PRDM15: variants seen among roughly 807,000 people sequenced by gnomAD.
PRDM15 encodes the protein PR domain zinc finger protein 15.
In PRDM15, 64 loss-of-function variants were observed where a neutral mutation model predicts 128.6. The observed-to-expected ratio is 0.50, with a 90% CI of 0.41 to 0.61. The LOEUF is 0.61. Among genes scored for constraint, PRDM15 ranks in the 20% least tolerant of loss-of-function variants. PRDM15 has a pLI of 0.00. For missense variants in PRDM15, 1,242 were observed against 1,569.1 expected, an observed-to-expected ratio of 0.79 and a Z score of 3.52; for synonymous variants, 615 against 621.8, an observed-to-expected ratio of 0.99 and a Z score of 0.16.
At chr21:41,861,543 CAA>C in intron 1 of PRDM15, 1 of 1,572,492 alleles carries the variant, frequency 6.4e-7, no homozygotes, top group Non-Finnish European at 8.7e-7. Context: ...TGCCCCCCCC[CAA>C]TCCCCAACTG....
intron 14 of PRDM15, 63 bp from the exon 15 acceptor site, chr21:41,822,100 C>T (rs2062296243): frequency 6.2e-7 from 1 of 1,604,582 alleles, no homozygotes; most frequent in Non-Finnish European, 8.5e-7. Context: ...CAGTTATCTA[C>T]ACCGCAGGGA....
intron 6 of PRDM15, among the ~76,000 whole-genome samples, chr21:41,845,856 G>C (rs1360239556): frequency 6.6e-6 from 1 of 151,986 alleles, no homozygotes. Context: ...TTTGTGGAGG[G>C]GACCACCTGG....
intron 18 of PRDM15, 105 bp from the exon 19 acceptor site, chr21:41,815,941 C>T (rs1298910456): frequency 2.8e-6 from 4 of 1,445,350 alleles, no homozygotes; most frequent in Non-Finnish European, 3.8e-6. Context: ...CCGTGCGGTA[C>T]TGGTGAGGGT....
rs149309111 is a variant in PRDM15, at chr21:41,810,314, G to A, written c.2492C>T (p.Thr831Met). The part of the protein sequence containing the change: ...KLIHTVGKQW[T>M]CSVCDKKYVT... Reference sequence around the variant, plus strand: ...GTACTTCTTGTCGCACACGGAGCACGTCCACTGCTTGCCCACTTTTCACAC... The same window carrying A: ...GTACTTCTTGTCGCACACGGAGCACATCCACTGCTTGCCCACTTTTCACAC... The change falls in exon 21 of 24, where the codon ACG (threonine) becomes ATG (methionine). Residue 831 changes from threonine (T) to methionine (M), a missense_variant. Physicochemically the swap from Thr to Met is moderately conservative, Grantham distance 81. Coordinates refer to ENST00000398548, the MANE Select transcript of PRDM15 (RefSeq NM_001040424.3). The surrounding 1 kb of genome is among the most constrained non-coding windows in gnomAD (Gnocchi z 6.4). 62 of 1,612,868 alleles carry A rather than the reference G, an allele frequency of 3.8e-5. No homozygotes were observed. The highest frequency in any genetic ancestry group is 6.7e-5 in the African/African-American group (5 of 74,846).
chr21:41,811,987 A>T lies in PRDM15; in HGVS notation c.2393-1151T>A, dbSNP rs2146287320. On this transcript the variant is annotated intron_variant, in intron 19 of 23. Transcript: ENST00000398548. This position sits in a 1 kb window ranked among gnomAD's most constrained non-coding sequence, Gnocchi z 4.1. The stretch of plus-strand genomic sequence containing the variant: ...GCGACCGGCCTTGACTTTTTAAAAT[A>T]TTTGATAAGTACTCAGTCAGTCCTG... 1 of 152,332 alleles carries T rather than the reference A, an allele frequency of 6.6e-6. No individual in the cohort carries two copies. 9.4% of individuals were successfully genotyped at this position (152,332 alleles called of 1,614,324 possible).
Position 41,810,331 on chromosome 21 carries a change from T to C in PRDM15, c.2477-2A>G. 6.2e-7 allele frequency: 1 copy of C among 1,611,072 alleles called. No individual in the cohort carries two copies. Among genetic ancestry groups the C allele is most frequent in the Non-Finnish European group, 8.5e-7 (1 of 1,178,880 alleles). ...CGGAGCACGTCCACTGCTTGCCCAC[T>C]TTTCACACACACGCAGACACACATG... is the stretch of plus-strand genomic sequence containing the variant. On this transcript the variant is annotated splice_acceptor_variant, in intron 20 of 23. Transcript: ENST00000398548. LOFTEE classifies it high-confidence loss of function. This position sits in a 1 kb window ranked among gnomAD's most constrained non-coding sequence, Gnocchi z 6.4.
chr21:41,854,359 T>G lies in PRDM15; in HGVS notation c.538+207A>C, dbSNP rs1229703569. ...CACTGCCTCACTGTGTTAACTTGTG[T>G]TACATCCACGTGCCCAAACTGACCA... On this transcript the variant is annotated intron_variant, in intron 5 of 23. Coordinates refer to ENST00000398548, the MANE Select transcript of PRDM15 (RefSeq NM_001040424.3). This position sits in a 1 kb window ranked among gnomAD's most constrained non-coding sequence, Gnocchi z 4.6. Among the ~76,000 whole-genome samples, 1 of 152,138 alleles carries G rather than the reference T, an allele frequency of 6.6e-6. No individual in the cohort carries two copies. The highest frequency in any genetic ancestry group is 2.4e-5 in the African/African-American group (1 of 41,430).
In PRDM15 at chr21:41,810,568, G is replaced by A; in HGVS notation, c.2476+185C>T. On this transcript the variant is annotated intron_variant, in intron 20 of 23. Coordinates refer to ENST00000398548, the MANE Select transcript of PRDM15 (RefSeq NM_001040424.3). The surrounding 1 kb of genome is among the most constrained non-coding windows in gnomAD (Gnocchi z 6.4). Reference sequence around the variant, plus strand: ...ACCAATATGAGAAAATTCAAGAAGGGATACTTGAAAGCTGTGGCGGGTTGA... The same window carrying A: ...ACCAATATGAGAAAATTCAAGAAGGAATACTTGAAAGCTGTGGCGGGTTGA... 3 of 643,656 alleles carry A rather than the reference G, an allele frequency of 4.7e-6. No individual in the cohort carries two copies. Among genetic ancestry groups the A allele is most frequent in the Non-Finnish European group, 8.0e-6 (3 of 373,468 alleles). The allele number at this position is 643,656 out of a possible 1,614,324, so 39.9% of individuals were successfully genotyped here. A position where few individuals can be genotyped will look rare whatever the true frequency, so the allele number is the denominator to read the frequency against.
At chr21:41,822,843 G>A (rs1487620648) in intron 14 of PRDM15, among the ~76,000 whole-genome samples, 4 of 151,842 alleles carry the variant, frequency 2.6e-5, no homozygotes, top group Non-Finnish European at 4.4e-5. Context: ...AAGACCAGCC[G>A]GGCCAACAAG....
intron 21 of PRDM15, among the ~76,000 whole-genome samples, chr21:41,809,357 C>T (rs180723324): frequency 2.0e-5 from 3 of 152,084 alleles, no homozygotes; most frequent in Admixed American, 6.5e-5. Flanking sequence ...CTCAGCCTCC[C>T]GAGTAGCTGG....
At chr21:41,855,074 A>G (rs755207232) in intron 4 of PRDM15, among the ~76,000 whole-genome samples, 9 of 152,194 alleles carry the variant, frequency 5.9e-5, no homozygotes, top group Non-Finnish European at 1.0e-4. Context: ...TGTCATTGGG[A>G]TACCTGAGTG....
In PRDM15 at chr21:41,799,867, C is replaced by G. The variant is rs2061376669; in HGVS notation, c.*1373G>C. 6.6e-6 allele frequency: 1 copy of G among 152,450 alleles called. No homozygotes were observed. Among genetic ancestry groups the G allele is most frequent in the African/African-American group, 2.4e-5 (1 of 41,448 alleles). 9.4% of individuals were successfully genotyped at this position (152,450 alleles called of 1,614,324 possible). A position where few individuals can be genotyped will look rare whatever the true frequency, so the allele number is the denominator to read the frequency against. ...TACCAGGAAAGTTAAGAGCAAACTTCTCCCCACACCTCTCAGTGTTTCTTG... is the reference window on the plus strand; with the variant it reads ...TACCAGGAAAGTTAAGAGCAAACTTGTCCCCACACCTCTCAGTGTTTCTTG... On this transcript the variant is annotated 3_prime_UTR_variant, in exon 24 of 24. Transcript: ENST00000398548.
At chr21:41,849,167 T>C (rs2063352513) in intron 5 of PRDM15, among the ~76,000 whole-genome samples, 1 of 152,238 alleles carries the variant, frequency 6.6e-6, no homozygotes, top group Non-Finnish European at 1.5e-5. Flanking sequence ...CAGCCTGGCA[T>C]TCCAGTGGGC....
At chr21:41,805,758 A>G (rs2061541950) in intron 21 of PRDM15, among the ~76,000 whole-genome samples, 1 of 150,686 alleles carries the variant, frequency 6.6e-6, no homozygotes, top group African/African-American at 2.5e-5. Flanking sequence ...CACCTCTATC[A>G]TCAGTATCAT....
In PRDM15 at chr21:41,859,235, T is replaced by C. The variant is rs766889013; in HGVS notation, c.131+357A>G. On this transcript the variant is annotated intron_variant, in intron 3 of 23. Transcript: ENST00000398548. The surrounding 1 kb of genome is among the most constrained non-coding windows in gnomAD (Gnocchi z 5.3). ...TCCGCTGGCAGGCCAAGACCTGGAATGCAGAGAGAAGCCAACGAGCAGACC... is the reference window on the plus strand; with the variant it reads ...TCCGCTGGCAGGCCAAGACCTGGAACGCAGAGAGAAGCCAACGAGCAGACC... The C allele has an allele frequency of 6.2e-7, 1 of 1,613,124 alleles. No homozygotes were observed. The highest frequency in any genetic ancestry group is 1.7e-5 in the Admixed American group (1 of 59,962).
chr21:41,841,191 A>G (rs965453907), intron 6 of PRDM15, among the ~76,000 whole-genome samples: 1 of 152,232 alleles, frequency 6.6e-6, no homozygotes, highest in Non-Finnish European at 1.5e-5. Context: ...GAAAACAAAT[A>G]AAAATAAAGA....
At position 41,839,893 on chromosome 21, in the gene PRDM15, C is replaced by A. The variant is rs201747117; in HGVS notation, c.641-40G>T. ...GCGAATGCACCACACAATTAGGAAG[C>A]CTGCCACCGTCCACACCCACCCTGG... On this transcript the variant is annotated intron_variant, in intron 6 of 23. Transcript: ENST00000398548. 5.1e-6 allele frequency: 8 copies of A among 1,567,064 alleles called. No individual in the cohort carries two copies. In the South Asian group the frequency reaches 6.7e-5, roughly 13 times the overall value.
intron 1 of PRDM15, chr21:41,861,854 G>A: frequency 1.3e-6 from 2 of 1,575,720 alleles, no homozygotes; most frequent in South Asian, 1.1e-5. Flanking sequence ...TAAAATGCCA[G>A]AAATAACAAG....
chr21:41,850,347 T>C (rs2063391166), intron 5 of PRDM15, among the ~76,000 whole-genome samples: 2 of 98,434 alleles, frequency 2.0e-5, no homozygotes, highest in Non-Finnish European at 4.6e-5. Flanking sequence ...CTCTCTCCCA[T>C]GAAGATCCAG....
Sources: gnomAD v4.1 joint callset for allele counts (sites outside exome capture counted in the v4.1 genomes callset) on GRCh38, gnomAD v4.1.1 for gene constraint, Gnocchi (gnomAD v3.1) non-coding constraint, MANE v1.5 for transcripts, NCBI Gene and HGNC (gene_info 2026-07-23, HGNC 2026-07-21) for gene names.